The following ACVR2A variants were observed in gnomAD, a reference collection of about 807,000 sequenced individuals.
ACVR2A encodes the protein activin A receptor type 2A.
In ACVR2A, 7 loss-of-function variants were observed where a neutral mutation model predicts 61.4. That is an observed-to-expected ratio of 0.11 (90% CI 0.06 to 0.21). The LOEUF is 0.21. Among genes scored for constraint, ACVR2A ranks in the 10% least tolerant of loss-of-function variants. The probability of loss-of-function intolerance (pLI) is 1.00; values close to 1 mark genes in which losing one functional copy is unlikely to be tolerated. For missense variants in ACVR2A, 322 were observed against 621.7 expected (o/e 0.52, Z 5.13); for synonymous variants, 193 against 208.3 (o/e 0.93, Z 0.63).
At chr2:147,847,408 A>T (rs1191529076) in intron 1 of ACVR2A, among the ~76,000 whole-genome samples, 1 of 152,200 alleles carries the variant, frequency 6.6e-6, no homozygotes, top group Admixed American at 6.5e-5. Flanking sequence ...TTTTCTACAA[A>T]ATGTGTGATC....
At chr2:147,890,341 AGTGTGTGTGT>A (rs60514095) in intron 1 of ACVR2A, among the ~76,000 whole-genome samples, 3 of 148,840 alleles carry the variant, frequency 2.0e-5, no homozygotes, top group South Asian at 4.3e-4. Context: ...CCATTAGTAT[AGTGTGTGTGT>A]GTGTGTGTGT....
chr2:147,930,237 C>T lies in ACVR2A; in HGVS notation c.*2963C>T, dbSNP rs1266183272. 2.0e-5 allele frequency: 3 copies of T among 152,106 alleles called. No individual in the cohort carries two copies. The highest frequency in any genetic ancestry group is 6.6e-5 in the Admixed American group (1 of 15,178). The allele number at this position is 152,106 out of a possible 1,614,324, so 9.4% of individuals were successfully genotyped here. A position where few individuals can be genotyped will look rare whatever the true frequency, so the allele number is the denominator to read the frequency against. On this transcript the variant is annotated 3_prime_UTR_variant, in exon 11 of 11. Coordinates refer to ENST00000241416, the MANE Select transcript of ACVR2A (RefSeq NM_001616.5). ...TCATGAAATTTAAAAAGAATCTCTT[C>T]TGTTGCATTTCCTCACCCCTAAGTA...
intron 1 of ACVR2A, among the ~76,000 whole-genome samples, chr2:147,864,261 A>T (rs929940): frequency 0.14 from 21,776 of 152,076 alleles, 1,931 homozygotes; most frequent in Middle Eastern, 0.23. Context: ...AGGGAGTCTA[A>T]CTGTGTCACC....
chr2:147,865,445 CTAT>C (rs752586865), intron 1 of ACVR2A, among the ~76,000 whole-genome samples: 18 of 152,172 alleles, frequency 1.2e-4, no homozygotes, highest in African/African-American at 1.7e-4. Flanking sequence ...AAGTTTGACG[CTAT>C]TGTCTGCCTG....
chr2:147,861,036 A>G (rs1175270581), intron 1 of ACVR2A, among the ~76,000 whole-genome samples: 2 of 152,206 alleles, frequency 1.3e-5, no homozygotes, highest in Non-Finnish European at 2.9e-5. Flanking sequence ...AAATGGAGAT[A>G]ATAAGGGTAA....
chr2:147,859,946 G>C (rs528309720), intron 1 of ACVR2A, among the ~76,000 whole-genome samples: 2 of 152,250 alleles, frequency 1.3e-5, no homozygotes, highest in South Asian at 4.2e-4. Context: ...AGGAAAAGGA[G>C]CTATGTACGA....
At chr2:147,924,470 G>A (rs562150881) in intron 9 of ACVR2A, among the ~76,000 whole-genome samples, 142 of 152,048 alleles carry the variant, frequency 9.3e-4, no homozygotes, top group Middle Eastern at 3.4e-3. Flanking sequence ...ATACAAGCAT[G>A]TGTTTTAGGA....
intron 1 of ACVR2A, among the ~76,000 whole-genome samples, chr2:147,883,788 G>A (rs1405871190): frequency 6.6e-6 from 1 of 152,050 alleles, no homozygotes; most frequent in Non-Finnish European, 1.5e-5. Flanking sequence ...GGAAATGTTT[G>A]TGATGAGGTT....
At chr2:147,846,826 G>A (rs1256159240) in intron 1 of ACVR2A, among the ~76,000 whole-genome samples, 1 of 152,072 alleles carries the variant, frequency 6.6e-6, no homozygotes, top group Non-Finnish European at 1.5e-5. Flanking sequence ...AACTCCTCTT[G>A]TTCAAATCCC....
intron 1 of ACVR2A, among the ~76,000 whole-genome samples, chr2:147,859,387 G>A (rs1348425910): frequency 6.6e-6 from 1 of 151,918 alleles, no homozygotes; most frequent in East Asian, 1.9e-4. Flanking sequence ...GGAGGGCATG[G>A]GAGGAGAAAG....
intron 9 of ACVR2A, among the ~76,000 whole-genome samples, chr2:147,923,598 G>A (rs1057371176): frequency 6.6e-6 from 1 of 151,910 alleles, no homozygotes; most frequent in Non-Finnish European, 1.5e-5. Flanking sequence ...ATAGATATTT[G>A]CTTTTATTTA....
intron 1 of ACVR2A, among the ~76,000 whole-genome samples, chr2:147,870,313 G>C (rs1276936760): frequency 1.3e-5 from 2 of 151,932 alleles, no homozygotes; most frequent in African/African-American, 2.4e-5. Context: ...GATCATCTTT[G>C]TTATTAATTT....
Position 147,883,201 on chromosome 2 carries a change from G to GT in ACVR2A, c.56-13094dup, listed in dbSNP as rs931825367. Among the ~76,000 whole-genome samples, 9 of 152,106 alleles carry GT rather than the reference G, an allele frequency of 5.9e-5. No individual in the cohort carries two copies. In the East Asian group the frequency reaches 1.7e-3, roughly 29 times the overall value. The stretch of plus-strand genomic sequence containing the variant: ...TTTTTTTGTTTTTGTTTTTGTTTTT[G>GT]TTTTTTGAGACGGAGTTTTGCTCTT... On this transcript the variant is annotated intron_variant, in intron 1 of 10. Coordinates refer to ENST00000241416, the MANE Select transcript of ACVR2A (RefSeq NM_001616.5).
intron 1 of ACVR2A, among the ~76,000 whole-genome samples, chr2:147,858,830 T>C (rs1685652529): frequency 6.6e-6 from 1 of 152,192 alleles, no homozygotes; most frequent in Admixed American, 6.5e-5. Flanking sequence ...AGTAAAACTT[T>C]ATTTGTGGGC....
chr2:147,924,242 T>C (rs1687450253), intron 9 of ACVR2A, among the ~76,000 whole-genome samples: 1 of 152,090 alleles, frequency 6.6e-6, no homozygotes, highest in South Asian at 2.1e-4. Flanking sequence ...ATATATTTTA[T>C]AAGAACTTTA....
intron 1 of ACVR2A, among the ~76,000 whole-genome samples, chr2:147,866,937 T>G (rs1324299338): frequency 1.3e-5 from 2 of 152,114 alleles, no homozygotes; most frequent in Non-Finnish European, 2.9e-5. Context: ...GATCTAACTC[T>G]GGGGAATGCT....
chr2:147,845,204 TCAGGTAGGTG>T lies in ACVR2A; in HGVS notation c.55+2_55+11del. 6.2e-7 allele frequency: 1 copy of T among 1,612,684 alleles called. No individual in the cohort carries two copies. On this transcript the variant is annotated splice_donor_variant and splice_donor_5th_base_variant and coding_sequence_variant and intron_variant, in exon 1 of 11. Coordinates refer to ENST00000241416, the MANE Select transcript of ACVR2A (RefSeq NM_001616.5). LOFTEE classifies it high-confidence loss of function. Reference sequence around the variant, plus strand: ...TGCCGTCTTTCTTATCTCCTGTTCTTCAGGTAGGTGCAGGGAGCGCGGCGCGGTGGGGCTG... The same window carrying T: ...TGCCGTCTTTCTTATCTCCTGTTCTTCAGGGAGCGCGGCGCGGTGGGGCTG...
In ACVR2A at chr2:147,926,100, AG is replaced by A; in HGVS notation, c.1288del (p.Glu430LysfsTer12). Reference sequence around the variant, plus strand: ...CAGCATCCATCTCTTGAAGACATGCAGGAAGTTGTTGTGCATAAAAAAAAGA... The same window carrying A: ...CAGCATCCATCTCTTGAAGACATGCAGAAGTTGTTGTGCATAAAAAAAAGA... ...IGQHPSLEDM[Q>X]EVVVHKKKRP... On this transcript the variant is annotated frameshift_variant, in exon 10 of 11. Coordinates refer to ENST00000241416, the MANE Select transcript of ACVR2A (RefSeq NM_001616.5). LOFTEE classifies it high-confidence loss of function. The A allele has an allele frequency of 6.2e-7, 1 of 1,612,272 alleles. No homozygotes were observed. The highest frequency in any genetic ancestry group is 8.5e-7 in the Non-Finnish European group (1 of 1,178,764).
In ACVR2A at chr2:147,882,948, A is replaced by G. The variant is rs78341932; in HGVS notation, c.56-13353A>G. On this transcript the variant is annotated intron_variant, in intron 1 of 10. Transcript: ENST00000241416. ...CAGGGCCTAAAATGTTGTATGGCCA[A>G]TGCAGAAATTTTATTTGAAAATTTA... Among the ~76,000 whole-genome samples the G allele has an allele frequency of 9.6e-4, 146 of 152,312 alleles. 1 individual carries two copies. Among genetic ancestry groups the G allele is most frequent in the Admixed American group, 3.7e-3 (56 of 15,288 alleles).
Sources: gnomAD v4.1 joint callset for allele counts (sites outside exome capture counted in the v4.1 genomes callset) on GRCh38, gnomAD v4.1.1 for gene constraint, MANE v1.5 for transcripts, NCBI Gene and HGNC (gene_info 2026-07-23, HGNC 2026-07-21) for gene names.